Variants in DSCAM observed in about 807,000 individuals in gnomAD.
DSCAM encodes the protein cell adhesion molecule DSCAM.
Under a neutral mutation model 217.7 loss-of-function variants are expected in DSCAM, and 47 were observed. The observed-to-expected ratio is 0.22, with a 90% CI of 0.17 to 0.28. The LOEUF (loss-of-function observed/expected upper bound fraction) is 0.28, where lower values mean the gene tolerates loss of function less well. Ranked by LOEUF, DSCAM falls within the 10% of genes least tolerant of loss-of-function variation. The probability of loss-of-function intolerance (pLI) is 1.00; values close to 1 mark genes in which losing one functional copy is unlikely to be tolerated. For synonymous variants in DSCAM, 1,056 were observed against 1,015.3 expected, an observed-to-expected ratio of 1.04 and a Z score of -0.76; for missense variants, 2,080 against 2,618.3, an observed-to-expected ratio of 0.79 and a Z score of 4.49.
chr21:40,318,192 G>C (rs1192469501), intron 8 of DSCAM, among the ~76,000 whole-genome samples: 1 of 116,474 alleles, frequency 8.6e-6, no homozygotes, highest in Admixed American at 1.0e-4. Context: ...TTGTGGGGTG[G>C]GGGGAGGGGG....
At chr21:40,013,743 AC>A (rs1251372602) in intron 32 of DSCAM, among the ~76,000 whole-genome samples, 1 of 152,186 alleles carries the variant, frequency 6.6e-6, no homozygotes, top group African/African-American at 2.4e-5. Flanking sequence ...GATAGACCAA[AC>A]CCCGCATGTG....
intron 20 of DSCAM, among the ~76,000 whole-genome samples, chr21:40,097,148 A>T (rs887260177): frequency 6.6e-6 from 1 of 152,146 alleles, no homozygotes; most frequent in South Asian, 2.1e-4. Context: ...GGTATTTCTT[A>T]TTTAAATATT....
At position 40,529,125 on chromosome 21, in the gene DSCAM, C is replaced by T. The variant is rs1001708562; in HGVS notation, c.509-159880G>A. On this transcript the variant is annotated intron_variant, in intron 3 of 32. Coordinates refer to ENST00000400454, the MANE Select transcript of DSCAM (RefSeq NM_001389.5). ...TTCACTGTATTAGCCAGGATGGTCTCGATCTCCTGACCTCGTGATCCGCCC... is the reference window on the plus strand; with the variant it reads ...TTCACTGTATTAGCCAGGATGGTCTTGATCTCCTGACCTCGTGATCCGCCC... Among the ~76,000 whole-genome samples the T allele has an allele frequency of 4.6e-5, 7 of 151,872 alleles. No individual in the cohort carries two copies. In the East Asian group the frequency reaches 7.8e-4, roughly 17 times the overall value.
In DSCAM at chr21:40,086,023, C is replaced by T. The variant is rs116394318; in HGVS notation, c.3969-258G>A. Among the ~76,000 whole-genome samples, 332 of 152,322 alleles carry T rather than the reference C, an allele frequency of 2.2e-3. 1 individual carries two copies. The highest frequency in any genetic ancestry group is 7.7e-3 in the African/African-American group (321 of 41,570). On this transcript the variant is annotated intron_variant, in intron 22 of 32. Transcript: ENST00000400454. ...CCAGATTCTGGCTCAAGTCAGTGGA[C>T]TCCTCATCTGTGCCAGAGACTGATG...
At chr21:40,026,856 G>C (rs895315851) in intron 32 of DSCAM, among the ~76,000 whole-genome samples, 1 of 151,506 alleles carries the variant, frequency 6.6e-6, no homozygotes, top group African/African-American at 2.4e-5. Context: ...TCTTTTAATT[G>C]GAGCATTTAG....
At chr21:40,099,215 T>C (rs1335915987) in intron 20 of DSCAM, among the ~76,000 whole-genome samples, 1 of 152,248 alleles carries the variant, frequency 6.6e-6, no homozygotes, top group African/African-American at 2.4e-5. Flanking sequence ...AATTCGTTCT[T>C]GATTACCTCC....
intron 10 of DSCAM, among the ~76,000 whole-genome samples, chr21:40,287,462 T>C (rs888283753): frequency 5.3e-5 from 8 of 152,094 alleles, no homozygotes; most frequent in African/African-American, 1.9e-4. Context: ...GGGAGGGAAG[T>C]TGTGGGCAGG....
chr21:40,689,740 A>G (rs2146444366), intron 3 of DSCAM, among the ~76,000 whole-genome samples: 1 of 152,354 alleles, frequency 6.6e-6, no homozygotes, highest in East Asian at 1.9e-4. Flanking sequence ...GGAGATGGCC[A>G]TGCCAAGGAA....
intron 16 of DSCAM, among the ~76,000 whole-genome samples, chr21:40,147,249 T>A (rs1473830767): frequency 6.6e-6 from 1 of 152,132 alleles, no homozygotes; most frequent in African/African-American, 2.4e-5. Context: ...GAGCCACCAA[T>A]TTAGCTAAAT....
chr21:40,212,986 T>C (rs1474502269), intron 11 of DSCAM, among the ~76,000 whole-genome samples: 1 of 152,048 alleles, frequency 6.6e-6, no homozygotes. Flanking sequence ...CTGGGAGAGG[T>C]GAGGAACTGA....
At chr21:40,516,188 A>C (rs536301168) in intron 3 of DSCAM, among the ~76,000 whole-genome samples, 1 of 152,096 alleles carries the variant, frequency 6.6e-6, no homozygotes, top group South Asian at 2.1e-4. Flanking sequence ...CCTCTATTAA[A>C]ATTAATTTTT....
At chr21:40,725,155 A>T (rs981268945) in intron 1 of DSCAM, among the ~76,000 whole-genome samples, 4 of 152,134 alleles carry the variant, frequency 2.6e-5, no homozygotes, top group African/African-American at 9.7e-5. Flanking sequence ...GGCTTTCTCC[A>T]CAATGTTAAA....
intron 11 of DSCAM, among the ~76,000 whole-genome samples, chr21:40,230,616 G>C (rs2091372909): frequency 6.6e-6 from 1 of 152,008 alleles, no homozygotes; most frequent in Admixed American, 6.6e-5. Context: ...CACTGCTTTT[G>C]CTGCAAACCA....
At chr21:40,037,006 G>A (rs1349345131) in intron 32 of DSCAM, among the ~76,000 whole-genome samples, 5 of 150,462 alleles carry the variant, frequency 3.3e-5, no homozygotes, top group Admixed American at 6.6e-5. Flanking sequence ...AGGTATTGAT[G>A]GGACGTATTT....
intron 30 of DSCAM, among the ~76,000 whole-genome samples, chr21:40,048,006 T>C (rs2088869741): frequency 6.6e-6 from 1 of 152,172 alleles, no homozygotes; most frequent in Non-Finnish European, 1.5e-5. Context: ...CTAAAGGCCA[T>C]GTAGAATGAC....
rs771644058 is a variant in DSCAM, at chr21:40,187,173, T to C, written c.2737A>G (p.Ser913Gly). ...LRWTMGFDGN[S>G]PITGYDIECK... ...TCAATATCGTAGCCTGTGATGGGAC[T>C]GTTTCCATCAAACCCCATGGTCCAC... Residue 913 changes from serine to glycine, a missense_variant, in exon 14 of 33, where the codon AGT (serine) becomes GGT (glycine). By Grantham distance (56) the Ser-to-Gly change is moderately conservative. Around this residue, in one of 5 missense-constraint regions of DSCAM, gnomAD observed 1,144 missense variants for 1,421.1 expected, o/e 0.81. Transcript: ENST00000400454. 1.2e-6 allele frequency: 2 copies of C among 1,614,176 alleles called. No individual in the cohort carries two copies. The highest frequency in any genetic ancestry group is 2.2e-5 in the East Asian group (1 of 44,888).
intron 4 of DSCAM, among the ~76,000 whole-genome samples, chr21:40,364,315 T>C (rs1271565424): frequency 6.6e-6 from 1 of 152,116 alleles, no homozygotes; most frequent in African/African-American, 2.4e-5. Flanking sequence ...TAAGAAAAAG[T>C]GGCACATATA....
At chr21:40,819,500 A>C (rs1321775419) in intron 1 of DSCAM, among the ~76,000 whole-genome samples, 1 of 152,230 alleles carries the variant, frequency 6.6e-6, no homozygotes, top group African/African-American at 2.4e-5. Flanking sequence ...CTTAGCATTC[A>C]CTGAGCCATA....
intron 11 of DSCAM, among the ~76,000 whole-genome samples, chr21:40,257,684 G>A (rs1327759276): frequency 1.3e-5 from 2 of 152,110 alleles, no homozygotes; most frequent in Non-Finnish European, 2.9e-5. Flanking sequence ...TGGCACATGA[G>A]AAAGAGGGGC....
Sources: allele counts gnomAD v4.1 joint callset (sites outside exome capture counted in the v4.1 genomes callset), GRCh38; gene constraint gnomAD v4.1.1; regional missense constraint gnomAD v4.1.1; transcripts MANE v1.5; gene names NCBI Gene and HGNC (gene_info 2026-07-23, HGNC 2026-07-21).